CUL2: variants seen among roughly 807,000 people sequenced by gnomAD.
CUL2 encodes the protein cullin-2.
Under a neutral mutation model 110.2 loss-of-function variants are expected in CUL2, and 22 were observed. The ratio of observed to expected loss-of-function variants is 0.20; its 90% CI spans 0.14 to 0.28. The LOEUF (loss-of-function observed/expected upper bound fraction) is 0.28, where lower values mean the gene tolerates loss of function less well. CUL2 is among the 10% of genes least tolerant of loss of function. The pLI is 1.00. For missense variants in CUL2, 631 were observed against 905.5 expected, an observed-to-expected ratio of 0.70 and a Z score of 3.89; for synonymous variants, 279 against 293.2, an observed-to-expected ratio of 0.95 and a Z score of 0.49.
chr10:35,020,835 T>G (rs2085161864), intron 17 of CUL2, among the ~76,000 whole-genome samples: 1 of 152,212 alleles, frequency 6.6e-6, no homozygotes, highest in South Asian at 2.1e-4. Context: ...ATTTTCAGGA[T>G]TTTTCTCACT....
At chr10:35,062,351 TAA>T (rs1316263431) in intron 3 of CUL2, among the ~76,000 whole-genome samples, 3 of 152,032 alleles carry the variant, frequency 2.0e-5, no homozygotes, top group African/African-American at 7.2e-5. Flanking sequence ...CTGAAAATAA[TAA>T]AGACAGAGAT....
chr10:35,054,999 AG>A (rs1391375524), intron 4 of CUL2, among the ~76,000 whole-genome samples: 2 of 152,218 alleles, frequency 1.3e-5, no homozygotes, highest in Non-Finnish European at 2.9e-5. Flanking sequence ...TGTTACAGAT[AG>A]TAAGTATGGG....
intron 2 of CUL2, among the ~76,000 whole-genome samples, chr10:35,067,931 C>A (rs1407761387): frequency 6.6e-6 from 1 of 151,634 alleles, no homozygotes; most frequent in Non-Finnish European, 1.5e-5. Context: ...CACGGTGAAA[C>A]CCTGTCTCTA....
At chr10:35,073,433 G>C (rs1303325060) in intron 1 of CUL2, among the ~76,000 whole-genome samples, 1 of 152,028 alleles carries the variant, frequency 6.6e-6, no homozygotes, top group Non-Finnish European at 1.5e-5. Flanking sequence ...AAATGATCCG[G>C]AATCAGGCCC....
intron 7 of CUL2, 22 bp downstream of exon 7, chr10:35,044,746 ATTTG>A: frequency 6.3e-7 from 1 of 1,585,880 alleles, no homozygotes; most frequent in South Asian, 1.1e-5. Flanking sequence ...CAGTCTGATT[ATTTG>A]TTTTTAAAGG....
chr10:35,017,909 G>C (rs2085078461), intron 17 of CUL2, among the ~76,000 whole-genome samples: 1 of 151,140 alleles, frequency 6.6e-6, no homozygotes, highest in African/African-American at 2.4e-5. Flanking sequence ...AAAAGATGCA[G>C]ATCAAAGAGC....
At chr10:35,055,928 G>A (rs2086231452) in intron 4 of CUL2, among the ~76,000 whole-genome samples, 1 of 152,134 alleles carries the variant, frequency 6.6e-6, no homozygotes, top group South Asian at 2.1e-4. Flanking sequence ...GATATTCTGA[G>A]GGTAGTCAGT....
intron 8 of CUL2, among the ~76,000 whole-genome samples, chr10:35,043,247 G>A (rs2085841448): frequency 6.6e-6 from 1 of 152,092 alleles, no homozygotes; most frequent in Non-Finnish European, 1.5e-5. Flanking sequence ...AGAGCAAAGT[G>A]CATGTATCAC....
chr10:35,063,896 T>C (rs1047843276), intron 2 of CUL2: 4 of 152,262 alleles, frequency 2.6e-5, no homozygotes, highest in African/African-American at 9.6e-5. Context: ...CGGTATTAGA[T>C]TATGATTCTG....
chr10:35,068,961 A>G (rs1441543160), intron 2 of CUL2, among the ~76,000 whole-genome samples: 1 of 152,006 alleles, frequency 6.6e-6, no homozygotes, highest in Admixed American at 6.6e-5. Flanking sequence ...TCTGCCTCCC[A>G]GGGTTTAAGC....
At chr10:35,076,730 G>A (rs1403478684) in intron 1 of CUL2, among the ~76,000 whole-genome samples, 1 of 152,014 alleles carries the variant, frequency 6.6e-6, no homozygotes, top group Non-Finnish European at 1.5e-5. Flanking sequence ...TATTCAGATT[G>A]TTATATATCT....
At chr10:35,066,789 A>C (rs538354897) in intron 2 of CUL2, among the ~76,000 whole-genome samples, 1 of 152,348 alleles carries the variant, frequency 6.6e-6, no homozygotes, top group South Asian at 2.1e-4. Context: ...TGATGCACCA[A>C]ATACACCTGA....
intron 1 of CUL2, among the ~76,000 whole-genome samples, chr10:35,075,687 C>T (rs950834861): frequency 1.0e-4 from 15 of 150,542 alleles, no homozygotes; most frequent in African/African-American, 2.7e-4. Flanking sequence ...CACACACGCA[C>T]GCTCCACATT....
chr10:35,078,234 A>C (rs1374752149), intron 1 of CUL2, among the ~76,000 whole-genome samples: 1 of 152,134 alleles, frequency 6.6e-6, no homozygotes, highest in Non-Finnish European at 1.5e-5. Flanking sequence ...GTCCACCCCT[A>C]AAAAACTTAA....
rs571896076 is a variant in CUL2, at chr10:35,044,348, G to C, written c.714+218C>G. On this transcript the variant is annotated intron_variant, in intron 8 of 20. Coordinates refer to ENST00000374749, the MANE Select transcript of CUL2 (RefSeq NM_003591.4). ...CCAAGCAGTCAGGATTTATCAAAAA[G>C]CATCAATTATGATGAAAACTGGAAG... Among the ~76,000 whole-genome samples the C allele has an allele frequency of 2.6e-5, 4 of 152,106 alleles. No homozygotes were observed. In the South Asian group the frequency reaches 8.3e-4, roughly 32 times the overall value.
chr10:35,112,498 G>T (rs1241374378), intron 1 of CUL2, among the ~76,000 whole-genome samples: 1 of 152,184 alleles, frequency 6.6e-6, no homozygotes, highest in Non-Finnish European at 1.5e-5. Context: ...AGATACCAGA[G>T]TTCACAGAGG....
intron 1 of CUL2, 22 bp from the exon 2 acceptor site, chr10:35,071,361 CAAT>C (rs766100810): frequency 1.9e-6 from 3 of 1,583,022 alleles, no homozygotes; most frequent in Non-Finnish European, 1.7e-6. Context: ...AAAACAATAA[CAAT>C]GTTAGCAATA....
chr10:35,026,795 G>C (rs1337824298), intron 16 of CUL2, among the ~76,000 whole-genome samples: 1 of 152,000 alleles, frequency 6.6e-6, no homozygotes, highest in Non-Finnish European at 1.5e-5. Context: ...AAGCTTATTA[G>C]TAAAAAATAT....
At chr10:35,113,550 T>C (rs2087551381) in intron 1 of CUL2, among the ~76,000 whole-genome samples, 1 of 123,954 alleles carries the variant, frequency 8.1e-6, no homozygotes, top group African/African-American at 2.9e-5. Flanking sequence ...ATCCAGTAAC[T>C]AGCAATGTGA....
Sources: gnomAD v4.1 joint callset for allele counts (sites outside exome capture counted in the v4.1 genomes callset) on GRCh38, gnomAD v4.1.1 for gene constraint, MANE v1.5 for transcripts, NCBI Gene and HGNC (gene_info 2026-07-23, HGNC 2026-07-21) for gene names.